Variants in MPP3 observed in about 807,000 individuals in gnomAD.
MPP3 encodes the protein MAGUK p55 subfamily member 3.
A neutral mutation model predicts 80.7 loss-of-function variants in MPP3; 48 were observed. The observed-to-expected ratio is 0.59, with a 90% CI of 0.47 to 0.76. The LOEUF is 0.76. MPP3 is among the 30% of genes least tolerant of loss of function. The pLI is 0.00. For synonymous variants in MPP3, 311 were observed against 297.6 expected (o/e 1.04, Z -0.46); for missense variants, 620 against 763.0 (o/e 0.81, Z 2.21).
chr17:43,828,489 C>A (rs1057179981), intron 7 of MPP3, among the ~76,000 whole-genome samples: 1 of 152,188 alleles, frequency 6.6e-6, no homozygotes, highest in Non-Finnish European at 1.5e-5. Flanking sequence ...CTGCCGTTTA[C>A]AAAAAGCATG....
intron 16 of MPP3, 58 bp downstream of exon 16, chr17:43,813,953 T>G: frequency 7.3e-7 from 1 of 1,375,718 alleles, no homozygotes; most frequent in Non-Finnish European, 1.0e-6. Flanking sequence ...GAGTTAAGTC[T>G]CCATGGAATA....
intron 10 of MPP3, among the ~76,000 whole-genome samples, chr17:43,823,358 A>C (rs1296452964): frequency 6.6e-6 from 1 of 152,152 alleles, no homozygotes; most frequent in East Asian, 1.9e-4. Flanking sequence ...GACCCCACCA[A>C]GGTCCTACTC....
chr17:43,809,109 CT>C (rs755082217), intron 18 of MPP3, 31 bp from the exon 19 acceptor site: 1 of 1,549,926 alleles, frequency 6.5e-7, no homozygotes, highest in Non-Finnish European at 8.7e-7. Flanking sequence ...ATATTATATA[CT>C]TTTGAAGTGT....
chr17:43,825,688 C>T (rs2045660269), intron 9 of MPP3, 68 bp downstream of exon 9: 1 of 1,089,844 alleles, frequency 9.2e-7, no homozygotes, highest in South Asian at 1.3e-5. Flanking sequence ...TCTGTCCTGG[C>T]TCCAGGAAGT....
intron 12 of MPP3, among the ~76,000 whole-genome samples, chr17:43,817,581 T>C (rs1344213006): frequency 1.3e-5 from 2 of 152,196 alleles, no homozygotes; most frequent in Admixed American, 6.5e-5. Flanking sequence ...GTCATCTATC[T>C]GAAATTCAAG....
Position 43,801,527 on chromosome 17 carries a change from A to G in MPP3, c.*174T>C. 1 of 590,710 alleles carries G rather than the reference A, an allele frequency of 1.7e-6. No individual in the cohort carries two copies. Among genetic ancestry groups the G allele is most frequent in the Non-Finnish European group, 2.9e-6 (1 of 347,294 alleles). 36.6% of individuals were successfully genotyped at this position (590,710 alleles called of 1,614,324 possible). ...ATGATCCAAAGAGGTGCAGTGAAAA[A>G]CAACAGACAAAAACCAACAACAAAC... is the stretch of plus-strand genomic sequence containing the variant. On this transcript the variant is annotated 3_prime_UTR_variant, in exon 20 of 20. Coordinates refer to ENST00000398389, the MANE Select transcript of MPP3 (RefSeq NM_001932.6).
chr17:43,813,521 G>C (rs2044964550), intron 16 of MPP3, among the ~76,000 whole-genome samples: 1 of 152,114 alleles, frequency 6.6e-6, no homozygotes, highest in African/African-American at 2.4e-5. Flanking sequence ...CCCAGGAATT[G>C]GCAGGGGAGG....
In MPP3 at chr17:43,823,958, C is replaced by T. The variant is rs754719446; in HGVS notation, c.657G>A (p.Gln219=). The T allele has an allele frequency of 3.1e-6, 5 of 1,610,030 alleles. No individual in the cohort carries two copies. ...TGCTCTCCTTTAAGCGATCTTCCTC[C>T]TGGGTGGCTGGGATGATTTTTAGGG... The part of the protein sequence containing the change: ...SITLKIIPAT[Q]EEDRLKESKV... Residue 219 remains glutamine (Q), a synonymous_variant, in exon 10 of 20, where the codon CAG becomes CAA. Transcript: ENST00000398389.
chr17:43,830,004 G>A, intron 6 of MPP3, 23 bp downstream of exon 6: 1 of 1,605,438 alleles, frequency 6.2e-7, no homozygotes, highest in Non-Finnish European at 8.5e-7. Context: ...AGGCATGGCT[G>A]GGCAGGGGCT....
At chr17:43,828,838 C>G (rs1324962528) in intron 7 of MPP3, among the ~76,000 whole-genome samples, 2 of 152,170 alleles carry the variant, frequency 1.3e-5, no homozygotes, top group Non-Finnish European at 2.9e-5. Flanking sequence ...CGCCAGCACC[C>G]AATACAGAGC....
At chr17:43,806,176 AT>A (rs1343479340) in intron 19 of MPP3, among the ~76,000 whole-genome samples, 2 of 151,768 alleles carry the variant, frequency 1.3e-5, no homozygotes, top group African/African-American at 4.8e-5. Context: ...TAATTAATTT[AT>A]TTTTTTGAGA....
chr17:43,811,026 G>C, intron 17 of MPP3, 86 bp downstream of exon 17: 1 of 1,456,272 alleles, frequency 6.9e-7, no homozygotes, highest in Admixed American at 1.7e-5. Context: ...CATCCTTTCC[G>C]GGAGTCCTCC....
Position 43,830,067 on chromosome 17 carries a change from T to G in MPP3, c.263A>C (p.Glu88Ala), listed in dbSNP as rs1194782739. The change falls in exon 6 of 20, where the codon GAG becomes GCG. Residue 88 changes from glutamate to alanine, a missense_variant. By Grantham distance (107) the Glu-to-Ala change is moderately radical (BLOSUM62 -1). Transcript: ENST00000398389. ...GGACAGCAGCTGGAGCAGCTCCCTCTCATCACTGTGCACGGAGGCGGCCTG... is the reference window on the plus strand; with the variant it reads ...GGACAGCAGCTGGAGCAGCTCCCTCGCATCACTGTGCACGGAGGCGGCCTG... Reference protein sequence around the residue: ...ELQAASVHSDERELLQLLSTP... With the variant: ...ELQAASVHSDARELLQLLSTP... 1 of 1,585,772 alleles carries G rather than the reference T, an allele frequency of 6.3e-7. No homozygotes were observed. Among genetic ancestry groups the G allele is most frequent in the Non-Finnish European group, 8.6e-7 (1 of 1,167,370 alleles).
chr17:43,802,066 G>A lies in MPP3; in HGVS notation c.1582-189C>T, dbSNP rs1410509025. On this transcript the variant is annotated intron_variant, in intron 19 of 19. Transcript: ENST00000398389. ...AACATCATGTCAAACTTCAAAGAAA[G>A]TTAATGGGCAGTAGACACAATCACT... Among the ~76,000 whole-genome samples the A allele has an allele frequency of 2.0e-5, 3 of 152,318 alleles. No individual in the cohort carries two copies. In the East Asian group the frequency reaches 5.8e-4, roughly 29 times the overall value.
At chr17:43,813,658 C>T (rs1316021721) in intron 16 of MPP3, among the ~76,000 whole-genome samples, 1 of 152,154 alleles carries the variant, frequency 6.6e-6, no homozygotes, top group African/African-American at 2.4e-5. Context: ...CAGAGGGCAG[C>T]GGCCACAGGA....
At chr17:43,827,706 TG>T (rs1567825630) in intron 8 of MPP3, 44 bp downstream of exon 8, 1 of 1,588,692 alleles carries the variant, frequency 6.3e-7, no homozygotes, top group Admixed American at 1.7e-5. Context: ...TCTGGAACAA[TG>T]GCCATGATCG....
chr17:43,822,306 C>T (rs146407381), intron 10 of MPP3, among the ~76,000 whole-genome samples: 164 of 152,294 alleles, frequency 1.1e-3, no homozygotes, highest in African/African-American at 3.8e-3. Context: ...TTCAAAGTAT[C>T]GACTGACATC....
chr17:43,810,990 C>A, intron 17 of MPP3, 75 bp from the exon 18 acceptor site: 3 of 1,424,334 alleles, frequency 2.1e-6, no homozygotes, highest in Non-Finnish European at 9.8e-7. Context: ...GGGGACCTCC[C>A]AACATGACTT....
chr17:43,815,828 C>CAGCTGGGTAAA (rs1598340064), intron 14 of MPP3: 3 of 668,170 alleles, frequency 4.5e-6, no homozygotes, highest in Admixed American at 2.4e-5. Flanking sequence ...GTGTGCCCCA[C>CAGCTGGGTAAA]AGCTGGGTAA....
Sources: gnomAD v4.1 joint callset for allele counts (sites outside exome capture counted in the v4.1 genomes callset) on GRCh38, gnomAD v4.1.1 for gene constraint, MANE v1.5 for transcripts, NCBI Gene and HGNC (gene_info 2026-07-23, HGNC 2026-07-21) for gene names.